Variants in NSD1 observed in about 807,000 individuals in gnomAD.
NSD1 encodes the protein histone-lysine N-methyltransferase, H3 lysine-36 specific.
NSD1 carries 26 observed loss-of-function variants against 242.7 expected under a neutral mutation model. The ratio of observed to expected loss-of-function variants is 0.11; its 90% CI spans 0.08 to 0.15. The LOEUF (loss-of-function observed/expected upper bound fraction) is 0.15. NSD1 is among the 10% of genes least tolerant of loss of function. The probability of loss-of-function intolerance (pLI) is 1.00; values close to 1 mark genes in which losing one functional copy is unlikely to be tolerated. For missense variants in NSD1, 2,495 were observed against 3,272.8 expected (o/e 0.76, Z 5.80); for synonymous variants, 1,106 against 1,178.1 (o/e 0.94, Z 1.25).
Position 177,267,665 on chromosome 5 carries a change from A to C in NSD1, c.5250A>C (p.Ala1750=). The part of the protein sequence containing the change: ...EGNWYCNDCK[A]GKKPHYREIV... The stretch of plus-strand genomic sequence containing the variant: ...ACTGGTATTGCAATGACTGTAAAGC[A>C]GGCAAAAAGCCACACTACAGGGAGA... Residue 1750 remains alanine, a synonymous_variant, in exon 15 of 23, where the codon GCA becomes GCC. Transcript: ENST00000439151. 3 of 1,614,144 alleles carry C rather than the reference A, an allele frequency of 1.9e-6. No individual in the cohort carries two copies. Among genetic ancestry groups the C allele is most frequent in the Non-Finnish European group, 2.5e-6 (3 of 1,180,010 alleles).
chr5:177,226,107 C>T (rs900347109), intron 5 of NSD1, among the ~76,000 whole-genome samples: 1 of 152,120 alleles, frequency 6.6e-6, no homozygotes, highest in Non-Finnish European at 1.5e-5. Flanking sequence ...AGTGTGGTGG[C>T]ACAATCTTGG....
chr5:177,179,454 ATCCG>A, intron 2 of NSD1, among the ~76,000 whole-genome samples: 1 of 152,220 alleles, frequency 6.6e-6, no homozygotes, highest in Non-Finnish European at 1.5e-5. Flanking sequence ...ACCTCTGGTG[ATCCG>A]CCCACTTCAG....
In NSD1 at chr5:177,210,274, A is replaced by T. The variant is rs1213705366; in HGVS notation, c.1875A>T (p.Gly625=). ...CAAAAGTGAAGCTCTGCTATATTGGAGCAGGTGATGAGGAAAAGCGAAGTG... is the reference window on the plus strand; with the variant it reads ...CAAAAGTGAAGCTCTGCTATATTGGTGCAGGTGATGAGGAAAAGCGAAGTG... ...CGSKVKLCYI[G]AGDEEKRSDS... Residue 625 remains glycine, a synonymous_variant, in exon 5 of 23, where the codon GGA becomes GGT. Transcript: ENST00000439151. 2 of 1,608,272 alleles carry T rather than the reference A, an allele frequency of 1.2e-6. No homozygotes were observed. The highest frequency in any genetic ancestry group is 1.1e-5 in the South Asian group (1 of 90,440).
At chr5:177,242,940 A>G (rs750912691) in intron 8 of NSD1, among the ~76,000 whole-genome samples, 5 of 152,208 alleles carry the variant, frequency 3.3e-5, no homozygotes, top group Admixed American at 6.5e-5. Context: ...GGTGGAACTA[A>G]TTCATAGAAG....
At position 177,282,704 on chromosome 5, in the gene NSD1, AT is replaced by A. The variant is rs1219125390; in HGVS notation, c.6009+125del. On this transcript the variant is annotated intron_variant, in intron 19 of 22. Coordinates refer to ENST00000439151, the MANE Select transcript of NSD1 (RefSeq NM_022455.5). ...AGGGTCTTTTCCCATACCCATTGGGATTGCTGGATTGGGGTTCTGGAGTAGG... is the reference window on the plus strand; with the variant it reads ...AGGGTCTTTTCCCATACCCATTGGGATGCTGGATTGGGGTTCTGGAGTAGG... 5 of 812,070 alleles carry A rather than the reference AT, an allele frequency of 6.2e-6. No individual in the cohort carries two copies. The African/African-American group carries it at 8.4e-5, about 14-fold the overall frequency. 50.3% of individuals were successfully genotyped at this position (812,070 alleles called of 1,614,324 possible). A position where few individuals can be genotyped will look rare whatever the true frequency, so the allele number is the denominator to read the frequency against.
chr5:177,200,915 A>G (rs1472373650), intron 3 of NSD1, among the ~76,000 whole-genome samples: 1 of 146,068 alleles, frequency 6.8e-6, no homozygotes, highest in East Asian at 2.0e-4. Context: ...TTTTTTTTGG[A>G]TGGAGTTTCA....
chr5:177,195,164 AAGAAAATAACTT>A (rs1400488045), intron 3 of NSD1, among the ~76,000 whole-genome samples: 3 of 151,960 alleles, frequency 2.0e-5, no homozygotes, highest in Non-Finnish European at 4.4e-5. Flanking sequence ...GTCTCAAAAG[AAGAAAATAACTT>A]AGTGTGTTAA....
At chr5:177,142,656 A>C (rs1017459966) in intron 2 of NSD1, among the ~76,000 whole-genome samples, 4 of 152,206 alleles carry the variant, frequency 2.6e-5, no homozygotes, top group African/African-American at 4.8e-5. Flanking sequence ...TACTATTACA[A>C]AATTTTACAG....
intron 18 of NSD1, 138 bp downstream of exon 18, chr5:177,280,972 CCTT>C (rs1484857014): frequency 5.1e-6 from 5 of 979,866 alleles, no homozygotes; most frequent in African/African-American, 4.9e-5. Context: ...CTTGCCATAT[CCTT>C]CTACCGTTTA....
intron 9 of NSD1, among the ~76,000 whole-genome samples, chr5:177,245,571 T>A (rs913861730): frequency 2.6e-5 from 4 of 152,154 alleles, no homozygotes; most frequent in African/African-American, 9.7e-5. Flanking sequence ...TCTTTATGTT[T>A]CTATAACACA....
chr5:177,288,724 A>G (rs1411809635), intron 20 of NSD1, 95 bp from the exon 21 acceptor site: 3 of 877,162 alleles, frequency 3.4e-6, no homozygotes, highest in African/African-American at 3.3e-5. Flanking sequence ...TTTAAAATTA[A>G]TCTGTTCTCT....
chr5:177,176,993 T>C (rs571330943), intron 2 of NSD1, among the ~76,000 whole-genome samples: 4 of 152,242 alleles, frequency 2.6e-5, no homozygotes, highest in Non-Finnish European at 5.9e-5. Context: ...TTCTGTTACA[T>C]TATGTGTGAA....
chr5:177,225,597 A>G (rs867414359), intron 5 of NSD1, among the ~76,000 whole-genome samples: 6 of 152,082 alleles, frequency 3.9e-5, no homozygotes, highest in Admixed American at 3.3e-4. Flanking sequence ...CCGCCTTTAT[A>G]TAGATCTACC....
rs1359539320 is a variant in NSD1, at chr5:177,211,533, G to C, written c.3134G>C (p.Arg1045Pro). 2.5e-6 allele frequency: 4 copies of C among 1,613,986 alleles called. No individual in the cohort carries two copies. In the South Asian group the frequency reaches 3.3e-5, roughly 13 times the overall value. The change falls in exon 5 of 23, where the codon CGT (arginine) becomes CCT (proline). Residue 1045 changes from arginine to proline, a missense_variant. Physicochemically the swap from Arg to Pro is moderately radical, Grantham distance 103. This residue lies in a region of NSD1 where 426 missense variants were observed against 411.4 expected (regional missense o/e 1.04). Coordinates refer to ENST00000439151, the MANE Select transcript of NSD1 (RefSeq NM_022455.5). ...SAQMVKNTVN[R>P]KALKTERKRK... ...CAAATGGTAAAGAACACAGTGAACC[G>C]TAAAGCCTTAAAGACCGAGCGCAAA...
In NSD1 at chr5:177,248,300, T is replaced by G. The variant is rs1415616280; in HGVS notation, c.4617T>G (p.Ala1539=). ...TGCAGGGTGAACGCGGTGGAGGAGC[T>G]GCACTCAAGGAGAATGTCTGTCAGG... is the stretch of plus-strand genomic sequence containing the variant. The part of the protein sequence containing the change: ...KKMQGERGGG[A]ALKENVCQNC... Residue 1539 remains alanine, a synonymous_variant, in exon 11 of 23, where the codon GCT becomes GCG. Transcript: ENST00000439151. The G allele has an allele frequency of 6.2e-7, 1 of 1,613,832 alleles. No individual in the cohort carries two copies. Among genetic ancestry groups the G allele is most frequent in the Non-Finnish European group, 8.5e-7 (1 of 1,179,960 alleles).
chr5:177,212,459 C>T (rs1001382299), intron 5 of NSD1, among the ~76,000 whole-genome samples: 1 of 145,054 alleles, frequency 6.9e-6, no homozygotes, highest in Non-Finnish European at 1.5e-5. Context: ...TTCTTTCTCA[C>T]TTTCTCTCTC....
intron 4 of NSD1, 79 bp downstream of exon 4, chr5:177,204,371 C>G: frequency 7.5e-7 from 1 of 1,335,714 alleles, no homozygotes; most frequent in Non-Finnish European, 1.1e-6. Flanking sequence ...TATTTATTTT[C>G]GAGACAGAAC....
In NSD1 at chr5:177,149,135, A is replaced by G. The variant is rs115896834; in HGVS notation, c.927+13105A>G. 7.9e-3 allele frequency among the ~76,000 whole-genome samples: 1,205 copies of G among 152,072 alleles called. 19 individuals carry two copies. Among genetic ancestry groups the G allele is most frequent in the African/African-American group, 0.024 (1,015 of 41,486 alleles). The stretch of plus-strand genomic sequence containing the variant: ...CACCTGGCCGAGTGCTTCAGTTTCT[A>G]TGCATCCTCACCAGCATTTGGTGTG... On this transcript the variant is annotated intron_variant, in intron 2 of 22. Transcript: ENST00000439151.
intron 11 of NSD1, among the ~76,000 whole-genome samples, chr5:177,249,456 A>ATTAT (rs1158360681): frequency 2.3e-4 from 35 of 151,210 alleles, no homozygotes; most frequent in East Asian, 1.5e-3. Flanking sequence ...TTATTAATTA[A>ATTAT]TTATTTATTT....
Sources: gnomAD v4.1 joint callset for allele counts (sites outside exome capture counted in the v4.1 genomes callset) on GRCh38, gnomAD v4.1.1 for gene constraint, gnomAD v4.1.1 regional missense constraint, MANE v1.5 for transcripts, NCBI Gene and HGNC (gene_info 2026-07-23, HGNC 2026-07-21) for gene names.